The following LRP1B variants were observed in gnomAD, a reference collection of about 807,000 sequenced individuals.
The protein encoded by LRP1B is low-density lipoprotein receptor-related protein 1B.
Under a neutral mutation model 556.6 loss-of-function variants are expected in LRP1B, and 217 were observed. That is an observed-to-expected ratio of 0.39 (90% confidence interval 0.35 to 0.44). LRP1B has a LOEUF of 0.44. Ranked by LOEUF, LRP1B falls within the 20% of genes least tolerant of loss-of-function variation. LRP1B has a pLI of 1.00. For missense variants in LRP1B, 5,053 were observed against 5,620.8 expected, an observed-to-expected ratio of 0.90 and a Z score of 3.23; for synonymous variants, 2,047 against 1,865.8, an observed-to-expected ratio of 1.10 and a Z score of -2.50.
chr2:140,693,678 A>C (rs970592219), intron 41 of LRP1B, among the ~76,000 whole-genome samples: 7 of 150,690 alleles, frequency 4.6e-5, no homozygotes, highest in African/African-American at 1.7e-4. Flanking sequence ...GCTTAAGAAT[A>C]GCTTTTTTAA....
chr2:141,441,927 A>C (rs918350986), intron 3 of LRP1B, among the ~76,000 whole-genome samples: 1 of 152,214 alleles, frequency 6.6e-6, no homozygotes, highest in Non-Finnish European at 1.5e-5. Flanking sequence ...CATTCAATCT[A>C]TAAATTTTAT....
At chr2:141,621,634 C>T (rs1349850730) in intron 2 of LRP1B, among the ~76,000 whole-genome samples, 1 of 152,036 alleles carries the variant, frequency 6.6e-6, no homozygotes, top group African/African-American at 2.4e-5. Context: ...TCATCAAAAC[C>T]TTAATACATT....
At chr2:141,235,931 CAAG>C (rs1456086541) in intron 5 of LRP1B, among the ~76,000 whole-genome samples, 2 of 152,016 alleles carry the variant, frequency 1.3e-5, no homozygotes, top group Non-Finnish European at 2.9e-5. Context: ...TATTGAATGT[CAAG>C]ATGATGAACT....
At chr2:141,266,274 A>T (rs1024754632) in intron 3 of LRP1B, among the ~76,000 whole-genome samples, 5 of 148,572 alleles carry the variant, frequency 3.4e-5, no homozygotes, top group Non-Finnish European at 7.4e-5. Flanking sequence ...CAGTGAGCAG[A>T]GATTGCGCCA....
chr2:140,639,278 A>G (rs1301219670), intron 41 of LRP1B, among the ~76,000 whole-genome samples: 1 of 152,230 alleles, frequency 6.6e-6, no homozygotes, highest in Non-Finnish European at 1.5e-5. Context: ...AATGATTACT[A>G]ATTAAAAAAA....
intron 3 of LRP1B, among the ~76,000 whole-genome samples, chr2:141,427,947 C>A (rs1427943346): frequency 6.6e-6 from 1 of 152,100 alleles, no homozygotes; most frequent in African/African-American, 2.4e-5. Flanking sequence ...TTTTATAAAT[C>A]TAAGAGTACT....
chr2:141,396,733 A>G (rs1204269786), intron 3 of LRP1B, among the ~76,000 whole-genome samples: 1 of 152,220 alleles, frequency 6.6e-6, no homozygotes, highest in Non-Finnish European at 1.5e-5. Flanking sequence ...AGTAAAAATT[A>G]ATACACATAA....
rs1574064707 is a variant in LRP1B, at chr2:141,091,738, A to G, written c.1014-29465T>C. 2.0e-5 allele frequency among the ~76,000 whole-genome samples: 3 copies of G among 152,350 alleles called. No individual in the cohort carries two copies. In the East Asian group the frequency reaches 5.8e-4, roughly 29 times the overall value. On this transcript the variant is annotated intron_variant, in intron 7 of 90. Coordinates refer to ENST00000389484, the MANE Select transcript of LRP1B (RefSeq NM_018557.3). The stretch of plus-strand genomic sequence containing the variant: ...AATGAATGAAGGAATACAAATTATT[A>G]TAAAATAAACATCTGAAAAGTCTAT...
chr2:140,744,373 A>T (rs1401068223), intron 35 of LRP1B, among the ~76,000 whole-genome samples: 1 of 152,160 alleles, frequency 6.6e-6, no homozygotes, highest in Non-Finnish European at 1.5e-5. Context: ...TTTTGATCTG[A>T]AGGACAGTGT....
chr2:140,334,900 C>T (rs1191700452), intron 78 of LRP1B, among the ~76,000 whole-genome samples: 7 of 151,942 alleles, frequency 4.6e-5, no homozygotes, highest in Non-Finnish European at 8.8e-5. Context: ...TTTGTTTTAA[C>T]AGAATAGTCA....
At chr2:140,249,193 T>A (rs901063128) in intron 86 of LRP1B, among the ~76,000 whole-genome samples, 1 of 151,726 alleles carries the variant, frequency 6.6e-6, no homozygotes, top group Non-Finnish European at 1.5e-5. Context: ...AATTAGAAGA[T>A]TAAATGCTAC....
chr2:141,521,382 T>C (rs1472003477), intron 2 of LRP1B, among the ~76,000 whole-genome samples: 1 of 152,060 alleles, frequency 6.6e-6, no homozygotes, highest in Non-Finnish European at 1.5e-5. Context: ...TTCCTACCTT[T>C]CTTCCTCCCT....
At position 140,951,806 on chromosome 2, in the gene LRP1B, G is replaced by C. The variant is rs72990186; in HGVS notation, c.2968+54C>G. ...CCTCTGAAGAAAGCCAGGCAGTCCA[G>C]ACCGCCAAGCCCCCGATCAAATTAG... is the stretch of plus-strand genomic sequence containing the variant. On this transcript the variant is annotated intron_variant, in intron 19 of 90. Transcript: ENST00000389484. 1.3e-3 allele frequency: 1,839 copies of C among 1,412,770 alleles called. 23 individuals are homozygous for C. In the African/African-American group the frequency reaches 0.022, roughly 17 times the overall value. 87.5% of individuals were successfully genotyped at this position (1,412,770 alleles called of 1,614,324 possible). A position where few individuals can be genotyped will look rare whatever the true frequency, so the allele number is the denominator to read the frequency against.
chr2:141,395,428 G>A (rs1458186442), intron 3 of LRP1B, among the ~76,000 whole-genome samples: 1 of 152,020 alleles, frequency 6.6e-6, no homozygotes, highest in African/African-American at 2.4e-5. Context: ...CAGTTTTATA[G>A]CCTACAGCAA....
chr2:141,268,584 C>G (rs976954079), intron 3 of LRP1B, among the ~76,000 whole-genome samples: 1 of 151,954 alleles, frequency 6.6e-6, no homozygotes, highest in African/African-American at 2.4e-5. Flanking sequence ...AATACAAAAC[C>G]AAAATAATGG....
chr2:140,743,778 T>C (rs1272013025), intron 35 of LRP1B, among the ~76,000 whole-genome samples: 1 of 151,244 alleles, frequency 6.6e-6, no homozygotes, highest in African/African-American at 2.4e-5. Context: ...GCCAACATGG[T>C]GAAACCCTGT....
intron 3 of LRP1B, among the ~76,000 whole-genome samples, chr2:141,383,333 A>G (rs1050824554): frequency 9.8e-5 from 15 of 152,310 alleles, no homozygotes; most frequent in African/African-American, 2.6e-4. Flanking sequence ...TAAAACTACC[A>G]TATATAATCC....
chr2:141,767,792 A>T (rs1039723490), intron 2 of LRP1B, among the ~76,000 whole-genome samples: 4 of 152,176 alleles, frequency 2.6e-5, no homozygotes, highest in African/African-American at 9.6e-5. Context: ...CAAGAAAATT[A>T]AACAGAAATT....
intron 1 of LRP1B, among the ~76,000 whole-genome samples, chr2:142,003,176 CGT>C (rs1485767438): frequency 6.6e-6 from 1 of 152,202 alleles, no homozygotes; most frequent in Non-Finnish European, 1.5e-5. Flanking sequence ...TATGAATCAA[CGT>C]GATTCCATAA....
Sources: allele counts gnomAD v4.1 joint callset (sites outside exome capture counted in the v4.1 genomes callset), GRCh38; gene constraint gnomAD v4.1.1; transcripts MANE v1.5; gene names NCBI Gene and HGNC (gene_info 2026-07-23, HGNC 2026-07-21).